CCDC38: variants seen among roughly 807,000 people sequenced by gnomAD.
CCDC38 encodes the protein coiled-coil domain-containing protein 38.
Under a neutral mutation model 72.8 loss-of-function variants are expected in CCDC38, and 69 were observed. The ratio of observed to expected loss-of-function variants is 0.95; its 90% CI spans 0.78 to 1.16. The LOEUF is 1.16. CCDC38 is among the 50% of genes most tolerant of loss of function. The pLI, the probability that CCDC38 is intolerant of heterozygous loss-of-function variation, is 0.00. For synonymous variants in CCDC38, 201 were observed against 213.2 expected (o/e 0.94, Z 0.50); for missense variants, 626 against 638.9 (o/e 0.98, Z 0.22).
intron 4 of CCDC38, among the ~76,000 whole-genome samples, chr12:95,907,353 G>T (rs1249632683): frequency 4.8e-5 from 7 of 145,856 alleles, no homozygotes; most frequent in African/African-American, 7.7e-5. Context: ...CCTCCCAGAC[G>T]GGGTGGTGGC....
chr12:95,899,631 AT>A (rs113506785), intron 5 of CCDC38, among the ~76,000 whole-genome samples: 19 of 152,212 alleles, frequency 1.2e-4, no homozygotes, highest in African/African-American at 1.2e-4. Context: ...GCAGGAAAAA[AT>A]TAAATCATAA....
intron 5 of CCDC38, among the ~76,000 whole-genome samples, chr12:95,903,984 T>G (rs1462654000): frequency 6.6e-6 from 1 of 152,102 alleles, no homozygotes; most frequent in Admixed American, 6.5e-5. Flanking sequence ...CTTTAAATAT[T>G]TGGCAGAATT....
At chr12:95,915,834 G>A (rs1467462434) in intron 4 of CCDC38, among the ~76,000 whole-genome samples, 1 of 152,182 alleles carries the variant, frequency 6.6e-6, no homozygotes, top group Non-Finnish European at 1.5e-5. Context: ...CTTTTGAAGA[G>A]TTGACCCTAT....
chr12:95,880,359 A>G (rs999835482), intron 11 of CCDC38, among the ~76,000 whole-genome samples: 1 of 152,224 alleles, frequency 6.6e-6, no homozygotes, highest in African/African-American at 2.4e-5. Context: ...ATTCAGCTTC[A>G]AAAGGAAAGA....
chr12:95,870,158 A>G (rs1233897110), intron 14 of CCDC38, among the ~76,000 whole-genome samples: 1 of 152,186 alleles, frequency 6.6e-6, no homozygotes, highest in African/African-American at 2.4e-5. Context: ...CCTCTTTTTA[A>G]AACTTTTAAT....
In CCDC38 at chr12:95,881,497, C is replaced by A; in HGVS notation, c.978G>T (p.Met326Ile). 4.4e-6 allele frequency: 7 copies of A among 1,607,750 alleles called. No homozygotes were observed. The highest frequency in any genetic ancestry group is 5.9e-6 in the Non-Finnish European group (7 of 1,176,924). The change falls in exon 11 of 16, where the codon ATG (methionine) becomes ATT (isoleucine). Residue 326 changes from methionine to isoleucine, a missense_variant. Transcript: ENST00000344280. ...ATAATCTGGTTACCAAATCAACGTC[C>A]ATTTCATCATCTAAAAGGAATTCCA... ...DSLEFLLDDE[M>I]DVDLEPALYF...
At position 95,898,660 on chromosome 12, in the gene CCDC38, T is replaced by C. The variant is rs376761099; in HGVS notation, c.441A>G (p.Leu147=). 6.2e-7 allele frequency: 1 copy of C among 1,614,232 alleles called. No homozygotes were observed. The highest frequency in any genetic ancestry group is 1.1e-5 in the South Asian group (1 of 91,088). Residue 147 remains leucine, a synonymous_variant, in exon 6 of 16, where the codon CTA becomes CTG. Transcript: ENST00000344280. The part of the protein sequence containing the change: ...EKDIAMRERQ[L]KKAEKKLQDD... The stretch of plus-strand genomic sequence containing the variant: ...CTTGGAGCTTTTTCTCTGCTTTTTT[T>C]AGTTGCCGTTCCCTCATTGCTATGT...
intron 2 of CCDC38, among the ~76,000 whole-genome samples, chr12:95,927,026 G>A (rs2080278980): frequency 6.6e-6 from 1 of 152,086 alleles, no homozygotes; most frequent in Non-Finnish European, 1.5e-5. Context: ...CTGTTGATTT[G>A]GGATGGAGAG....
At chr12:95,878,563 C>T (rs1254219978) in intron 12 of CCDC38, among the ~76,000 whole-genome samples, 1 of 152,158 alleles carries the variant, frequency 6.6e-6, no homozygotes, top group African/African-American at 2.4e-5. Flanking sequence ...CATCAGAAGG[C>T]ATTTTCTTCC....
At chr12:95,899,670 A>G (rs1027922817) in intron 5 of CCDC38, among the ~76,000 whole-genome samples, 1 of 152,230 alleles carries the variant, frequency 6.6e-6, no homozygotes, top group Non-Finnish European at 1.5e-5. Context: ...ATATAAATGA[A>G]TTGAAAATAT....
rs2079917974 is a variant in CCDC38, at chr12:95,898,634, T to C, written c.467A>G (p.Asp156Gly). 9.9e-6 allele frequency: 16 copies of C among 1,614,116 alleles called. No homozygotes were observed. The highest frequency in any genetic ancestry group is 1.4e-5 in the Non-Finnish European group (16 of 1,180,048). Residue 156 changes from aspartate (D) to glycine (G), a missense_variant, in exon 6 of 16, where the codon GAT becomes GGT. By Grantham distance (94) the Asp-to-Gly change is moderately conservative (BLOSUM62 -1). Coordinates refer to ENST00000344280, the MANE Select transcript of CCDC38 (RefSeq NM_182496.3). ...QLKKAEKKLQ[D>G]DALAFEEFLR... The stretch of plus-strand genomic sequence containing the variant: ...GAACTCTTCAAAGGCCAGTGCATCA[T>C]CTTGGAGCTTTTTCTCTGCTTTTTT...
chr12:95,919,882 G>C (rs1460940765), intron 2 of CCDC38, among the ~76,000 whole-genome samples: 3 of 152,290 alleles, frequency 2.0e-5, no homozygotes, highest in African/African-American at 7.2e-5. Context: ...TTCACTCCTA[G>C]AAGGAATGTT....
At chr12:95,873,597 C>A (rs1357550656) in intron 13 of CCDC38, among the ~76,000 whole-genome samples, 1 of 152,186 alleles carries the variant, frequency 6.6e-6, no homozygotes, top group Non-Finnish European at 1.5e-5. Flanking sequence ...CATTGTGAAC[C>A]CGGTGTTTGC....
At chr12:95,916,269 T>C (rs2080142349) in intron 4 of CCDC38, among the ~76,000 whole-genome samples, 1 of 152,128 alleles carries the variant, frequency 6.6e-6, no homozygotes, top group Admixed American at 6.6e-5. Flanking sequence ...AATTATTGAC[T>C]CCAAAGCCCT....
intron 5 of CCDC38, among the ~76,000 whole-genome samples, chr12:95,903,112 C>T (rs2079966795): frequency 6.6e-6 from 1 of 152,070 alleles, no homozygotes. Context: ...ATCTATTGTA[C>T]ATATTTTACA....
chr12:95,892,426 G>A (rs2079838717), intron 8 of CCDC38, among the ~76,000 whole-genome samples: 1 of 150,620 alleles, frequency 6.6e-6, no homozygotes, highest in African/African-American at 2.4e-5. Flanking sequence ...TAGAACTACA[G>A]TTGCATGCCA....
chr12:95,888,364 G>T, intron 10 of CCDC38, 94 bp downstream of exon 10: 1 of 1,088,084 alleles, frequency 9.2e-7, no homozygotes, highest in Non-Finnish European at 1.4e-6. Context: ...AACAGTTATG[G>T]GTACATGACA....
rs79902367 is a variant in CCDC38, at chr12:95,912,365, A to C, written c.304+4764T>G. On this transcript the variant is annotated intron_variant, in intron 4 of 15. Coordinates refer to ENST00000344280, the MANE Select transcript of CCDC38 (RefSeq NM_182496.3). ...CCTGCACATGTATCCCCTGAATCTA[A>C]AATTTAAGAATTTAAATACTCATCC... Among the ~76,000 whole-genome samples the C allele has an allele frequency of 6.3e-3, 962 of 152,278 alleles. 9 individuals carry two copies. The highest frequency in any genetic ancestry group is 0.022 in the African/African-American group (902 of 41,540).
At chr12:95,930,125 C>T (rs537017084) in intron 2 of CCDC38, among the ~76,000 whole-genome samples, 1 of 152,124 alleles carries the variant, frequency 6.6e-6, no homozygotes, top group Non-Finnish European at 1.5e-5. Flanking sequence ...ATAGGAAGGC[C>T]AACCATTTGT....
Sources: gnomAD v4.1 joint callset for allele counts (sites outside exome capture counted in the v4.1 genomes callset) on GRCh38, gnomAD v4.1.1 for gene constraint, MANE v1.5 for transcripts, NCBI Gene and HGNC (gene_info 2026-07-23, HGNC 2026-07-21) for gene names.